Variants in ZEB1 observed in about 807,000 individuals in gnomAD.
ZEB1 encodes the protein zinc finger E-box-binding homeobox 1.
ZEB1 carries 21 observed loss-of-function variants against 84.9 expected under a neutral mutation model. The observed-to-expected ratio is 0.25, with a 90% CI of 0.18 to 0.36. The LOEUF (loss-of-function observed/expected upper bound fraction) is 0.36, where lower values mean the gene tolerates loss of function less well. ZEB1 is among the 10% of genes least tolerant of loss of function. The pLI, the probability that ZEB1 is intolerant of heterozygous loss-of-function variation, is 1.00. For synonymous variants in ZEB1, 420 were observed against 471.1 expected (o/e 0.89, Z 1.41); for missense variants, 1,104 against 1,330.2 (o/e 0.83, Z 2.65).
chr10:31,464,317 C>G (rs2062135909), intron 2 of ZEB1, among the ~76,000 whole-genome samples: 1 of 151,810 alleles, frequency 6.6e-6, no homozygotes, highest in South Asian at 2.1e-4. Flanking sequence ...GATGCCACTG[C>G]ACTCCAGCCT....
At chr10:31,402,110 C>CTGTTGTTGTTGTTGT (rs541378977) in intron 1 of ZEB1, among the ~76,000 whole-genome samples, 1 of 150,920 alleles carries the variant, frequency 6.6e-6, no homozygotes, top group Non-Finnish European at 1.5e-5. Flanking sequence ...GTTGTTGTTG[C>CTGTTGTTGTTGTTGT]TGTTGTTGTT....
At chr10:31,383,915 G>T (rs2048147016) in intron 1 of ZEB1, among the ~76,000 whole-genome samples, 1 of 140,436 alleles carries the variant, frequency 7.1e-6, no homozygotes, top group Non-Finnish European at 1.5e-5. Flanking sequence ...TCAGTAAAAA[G>T]TATAAAGGAA....
intron 8 of ZEB1, 152 bp from the exon 9 acceptor site, chr10:31,526,520 T>C: frequency 2.0e-6 from 2 of 975,776 alleles, no homozygotes; most frequent in African/African-American, 1.6e-5. Context: ...CAAATTGCAA[T>C]ATTATATTAC....
rs377004895 is a variant in ZEB1 at position 31,452,701 on chromosome 10, ATGTGTGTGTG to A, written c.59-8303_59-8294del. Among the ~76,000 whole-genome samples, 22 of 90,348 alleles carry A rather than the reference ATGTGTGTGTG, an allele frequency of 2.4e-4. No individual in the cohort carries two copies. The East Asian group carries it at 7.8e-3, about 32-fold the overall frequency. 59.3% of individuals were successfully genotyped at this position (90,348 alleles called of 152,430 possible). A position where few individuals can be genotyped will look rare whatever the true frequency, so the allele number is the denominator to read the frequency against. ...TGCCAGTGACTGTATTTAGGATAAA[ATGTGTGTGTG>A]TGTGTGTGTGTGTGTGTGTGTGTGT... is the stretch of plus-strand genomic sequence containing the variant. On this transcript the variant is annotated intron_variant, in intron 1 of 8. Transcript: ENST00000424869.
chr10:31,439,228 C>T (rs2058623586), intron 1 of ZEB1, among the ~76,000 whole-genome samples: 1 of 152,118 alleles, frequency 6.6e-6, no homozygotes, highest in Non-Finnish European at 1.5e-5. Flanking sequence ...CTTTCTATAT[C>T]AGTACCAAAC....
intron 1 of ZEB1, among the ~76,000 whole-genome samples, chr10:31,449,667 T>C (rs1365500675): frequency 3.3e-5 from 5 of 152,190 alleles, no homozygotes; most frequent in African/African-American, 7.2e-5. Flanking sequence ...ATCCCTGTAA[T>C]AGTACAAATC....
In ZEB1 at chr10:31,427,216, C is replaced by T. The variant is rs1004363141; in HGVS notation, c.59-33821C>T. On this transcript the variant is annotated intron_variant, in intron 1 of 8. Coordinates refer to ENST00000424869, the MANE Select transcript of ZEB1 (RefSeq NM_001174096.2). Reference sequence around the variant, plus strand: ...AGCATTGTGATAAAGGGCACAAGCTCTAGAGTCAGTATCCTGGATATAAAT... The same window carrying T: ...AGCATTGTGATAAAGGGCACAAGCTTTAGAGTCAGTATCCTGGATATAAAT... Among the ~76,000 whole-genome samples, 4 of 152,198 alleles carry T rather than the reference C, an allele frequency of 2.6e-5. 1 individual carries two copies. The highest frequency in any genetic ancestry group is 2.0e-4 in the Admixed American group (3 of 15,298).
At chr10:31,480,115 A>G (rs1025028272) in intron 2 of ZEB1, among the ~76,000 whole-genome samples, 2 of 151,992 alleles carry the variant, frequency 1.3e-5, no homozygotes, top group Non-Finnish European at 2.9e-5. Flanking sequence ...CATGTTAGCT[A>G]TTTCTTAATG....
chr10:31,506,452 G>C (rs1181808893), intron 4 of ZEB1, among the ~76,000 whole-genome samples: 1 of 151,874 alleles, frequency 6.6e-6, no homozygotes, highest in Non-Finnish European at 1.5e-5. Context: ...CTCCAGTCTT[G>C]GGTACATATA....
chr10:31,366,509 T>C (rs908903681), intron 1 of ZEB1, among the ~76,000 whole-genome samples: 8 of 152,166 alleles, frequency 5.3e-5, no homozygotes, highest in Admixed American at 2.0e-4. Flanking sequence ...AAGCCAGGGT[T>C]ACACTATCAT....
chr10:31,319,534 C>G (rs1411380602), intron 1 of ZEB1: 3 of 524,870 alleles, frequency 5.7e-6, no homozygotes, highest in Non-Finnish European at 1.0e-5. Flanking sequence ...CTCCGCCTAG[C>G]GGCTCCCGCC....
At chr10:31,463,851 A>G (rs184311005) in intron 2 of ZEB1, among the ~76,000 whole-genome samples, 1 of 152,346 alleles carries the variant, frequency 6.6e-6, no homozygotes, top group East Asian at 1.9e-4. Context: ...CTAGTACTAT[A>G]GAAGTCTCCC....
chr10:31,359,536 T>C (rs1370817258), intron 1 of ZEB1, among the ~76,000 whole-genome samples: 1 of 152,170 alleles, frequency 6.6e-6, no homozygotes, highest in Non-Finnish European at 1.5e-5. Context: ...ATGGTTTTTC[T>C]GTTCTTAAAA....
At chr10:31,455,578 C>T (rs2061111419) in intron 1 of ZEB1, among the ~76,000 whole-genome samples, 1 of 134,226 alleles carries the variant, frequency 7.5e-6, no homozygotes, top group Non-Finnish European at 1.5e-5. Context: ...AAAAAACAAC[C>T]CCATCAAAAA....
At chr10:31,466,473 A>G (rs938405165) in intron 2 of ZEB1, among the ~76,000 whole-genome samples, 11 of 152,236 alleles carry the variant, frequency 7.2e-5, no homozygotes, top group African/African-American at 2.7e-4. Flanking sequence ...TGGAAAATTC[A>G]CAAATATGTG....
intron 1 of ZEB1, among the ~76,000 whole-genome samples, chr10:31,460,257 C>T (rs1018280123): frequency 2.0e-5 from 3 of 151,882 alleles, no homozygotes; most frequent in Non-Finnish European, 4.4e-5. Context: ...TAATAAAATG[C>T]TGATGTTATA....
At chr10:31,482,294 T>C (rs1326982278) in intron 2 of ZEB1, among the ~76,000 whole-genome samples, 2 of 152,150 alleles carry the variant, frequency 1.3e-5, no homozygotes, top group African/African-American at 4.8e-5. Context: ...TTGAGGGGCA[T>C]ATGACAAAAT....
intron 1 of ZEB1, among the ~76,000 whole-genome samples, chr10:31,348,941 C>T (rs906789492): frequency 2.6e-5 from 4 of 152,156 alleles, no homozygotes; most frequent in Admixed American, 6.5e-5. Flanking sequence ...GTTGTGAGAA[C>T]ACCTAAAATC....
rs1184947131 is a variant in ZEB1, at chr10:31,337,675, TTC to T, written c.58+18385_58+18386del. ...AATATAGCAGATAAAGCTTAATAAT[TTC>T]TTTCTGTTTTTTTTTTTTTTTTTTT... On this transcript the variant is annotated intron_variant, in intron 1 of 8. Transcript: ENST00000424869. Among the ~76,000 whole-genome samples, 119 of 149,290 alleles carry T rather than the reference TTC, an allele frequency of 8.0e-4. 2 individuals carry two copies. Among genetic ancestry groups the T allele is most frequent in the African/African-American group, 2.9e-3 (116 of 39,596 alleles).
Sources: gnomAD v4.1 joint callset for allele counts (sites outside exome capture counted in the v4.1 genomes callset) on GRCh38, gnomAD v4.1.1 for gene constraint, MANE v1.5 for transcripts, NCBI Gene and HGNC (gene_info 2026-07-23, HGNC 2026-07-21) for gene names.